WWOX: variants seen among roughly 807,000 people sequenced by gnomAD.
WWOX encodes WW domain-containing oxidoreductase.
Under a neutral mutation model 46.2 loss-of-function variants are expected in WWOX, and 69 were observed. The observed-to-expected ratio is 1.49, with a 90% CI of 1.23 to 1.82. WWOX has a LOEUF of 1.82. WWOX is among the 40% of genes most tolerant of loss of function. The pLI is 0.00. For missense variants in WWOX, 919 were observed against 542.6 expected (o/e 1.69, Z -6.89); for synonymous variants, 359 against 202.6 (o/e 1.77, Z -6.56).
At chr16:79,091,779 G>GTTTTTTTTTTTTTT (rs11329411) in intron 8 of WWOX, among the ~76,000 whole-genome samples, 2 of 109,130 alleles carry the variant, frequency 1.8e-5, no homozygotes, top group Admixed American at 1.1e-4. Context: ...TCTTTTCTTT[G>GTTTTTTTTTTTTTT]TTTTTTTTTT....
At chr16:78,510,949 C>T (rs2085345975) in intron 8 of WWOX, among the ~76,000 whole-genome samples, 1 of 152,172 alleles carries the variant, frequency 6.6e-6, no homozygotes, top group African/African-American at 2.4e-5. Flanking sequence ...GTGTTGTTTC[C>T]ATCTGATATC....
intron 8 of WWOX, among the ~76,000 whole-genome samples, chr16:78,937,206 A>G (rs970452625): frequency 1.3e-5 from 2 of 152,198 alleles, no homozygotes; most frequent in African/African-American, 4.8e-5. Flanking sequence ...GGAGCAGAGC[A>G]GAAGAGAAAA....
At position 78,380,532 on chromosome 16, in the gene WWOX, G is replaced by A. The variant is rs149662254; in HGVS notation, c.517-6328G>A. 6.1e-4 allele frequency among the ~76,000 whole-genome samples: 93 copies of A among 152,276 alleles called. No individual in the cohort carries two copies. The East Asian group carries it at 6.4e-3, about 10-fold the overall frequency. On this transcript the variant is annotated intron_variant, in intron 5 of 8. Transcript: ENST00000566780. ...CCGTATCAGTGAAGAGTGAAGCACT[G>A]CACTCTTTAAGGATAGGGCTGAATG...
At chr16:78,515,187 G>C (rs948895247) in intron 8 of WWOX, among the ~76,000 whole-genome samples, 3 of 152,186 alleles carry the variant, frequency 2.0e-5, no homozygotes, top group Non-Finnish European at 4.4e-5. Context: ...TCGTGTCACT[G>C]CACTCCAGCC....
chr16:79,208,315 C>A (rs1305708222), intron 8 of WWOX, among the ~76,000 whole-genome samples: 1 of 152,080 alleles, frequency 6.6e-6, no homozygotes, highest in Non-Finnish European at 1.5e-5. Flanking sequence ...GGGATAGACA[C>A]CTCCCCCGTT....
intron 4 of WWOX, among the ~76,000 whole-genome samples, chr16:78,117,993 G>A (rs538097696): frequency 2.0e-5 from 3 of 151,182 alleles, no homozygotes; most frequent in African/African-American, 7.3e-5. Context: ...CCTTACAAAG[G>A]CCGATTTGCA....
intron 8 of WWOX, among the ~76,000 whole-genome samples, chr16:79,030,009 C>G (rs1380037840): frequency 6.6e-6 from 1 of 152,164 alleles, no homozygotes; most frequent in Admixed American, 6.5e-5. Flanking sequence ...CTCTGATGAG[C>G]TCTGGTTTAC....
At chr16:78,279,942 C>G (rs1331303063) in intron 5 of WWOX, among the ~76,000 whole-genome samples, 2 of 152,188 alleles carry the variant, frequency 1.3e-5, no homozygotes, top group African/African-American at 2.4e-5. Context: ...GTAACTATCT[C>G]CTTATGGAAA....
chr16:78,836,573 C>T (rs1006025048), intron 8 of WWOX, among the ~76,000 whole-genome samples: 2 of 152,168 alleles, frequency 1.3e-5, no homozygotes, highest in African/African-American at 2.4e-5. Flanking sequence ...ATGAGCATTC[C>T]TCAGTTCCTG....
Position 78,823,484 on chromosome 16 carries a change from C to G in WWOX, c.1057-388124C>G, listed in dbSNP as rs531416216. Reference sequence around the variant, plus strand: ...GAATGTTCACCATGGTGACCCACATCTCAGGATGCTGCAAAACGAGAGAGG... The same window carrying G: ...GAATGTTCACCATGGTGACCCACATGTCAGGATGCTGCAAAACGAGAGAGG... On this transcript the variant is annotated intron_variant, in intron 8 of 8. Coordinates refer to ENST00000566780, the MANE Select transcript of WWOX (RefSeq NM_016373.4). Among the ~76,000 whole-genome samples, 46 of 152,278 alleles carry G rather than the reference C, an allele frequency of 3.0e-4. 1 individual carries two copies. In the South Asian group the frequency reaches 7.0e-3, roughly 23 times the overall value.
At chr16:79,166,960 G>T (rs895623823) in intron 8 of WWOX, among the ~76,000 whole-genome samples, 15 of 150,220 alleles carry the variant, frequency 1.0e-4, no homozygotes, top group African/African-American at 2.9e-4. Context: ...ATTTTTTTTT[G>T]AGACAGAGCC....
intron 8 of WWOX, among the ~76,000 whole-genome samples, chr16:79,059,269 C>T (rs970475371): frequency 6.6e-5 from 10 of 152,050 alleles, no homozygotes; most frequent in Non-Finnish European, 1.5e-4. Flanking sequence ...TAAAATACAG[C>T]GTAAAAGACA....
At chr16:78,352,544 T>C (rs1176756641) in intron 5 of WWOX, among the ~76,000 whole-genome samples, 1 of 152,208 alleles carries the variant, frequency 6.6e-6, no homozygotes, top group Non-Finnish European at 1.5e-5. Flanking sequence ...CTGTTCCTGG[T>C]TCTCTCTCTT....
intron 8 of WWOX, among the ~76,000 whole-genome samples, chr16:79,100,361 A>G (rs889665318): frequency 4.6e-5 from 7 of 152,218 alleles, no homozygotes; most frequent in African/African-American, 1.7e-4. Flanking sequence ...GAAACGAGAC[A>G]TTAGTGATCC....
At chr16:78,122,564 G>A (rs17649341) in intron 4 of WWOX, among the ~76,000 whole-genome samples, 1 of 151,680 alleles carries the variant, frequency 6.6e-6, no homozygotes, top group African/African-American at 2.4e-5. Flanking sequence ...TCATAGAGTG[G>A]CACAATAAAA....
At chr16:78,733,675 A>T (rs1158740173) in intron 8 of WWOX, among the ~76,000 whole-genome samples, 1 of 151,876 alleles carries the variant, frequency 6.6e-6, no homozygotes, top group East Asian at 1.9e-4. Flanking sequence ...GAATGGTTTG[A>T]ACTTGGGAGG....
chr16:78,195,720 G>C (rs1391978606), intron 5 of WWOX, among the ~76,000 whole-genome samples: 1 of 151,016 alleles, frequency 6.6e-6, no homozygotes, highest in East Asian at 2.0e-4. Flanking sequence ...TAGTTGGGAG[G>C]CTGAGGCAGG....
intron 8 of WWOX, among the ~76,000 whole-genome samples, chr16:78,734,841 CTTTTTTTTTTTTTTTTTTT>C (rs60560119): frequency 0.011 from 423 of 40,096 alleles, 3 homozygotes; most frequent in East Asian, 0.051. Context: ...GACTTCAGTC[CTTTTTTTTTTTTTTTTTTT>C]TTTTTTTTTT....
chr16:78,102,467 C>T (rs1167100346), intron 1 of WWOX, among the ~76,000 whole-genome samples: 2 of 152,232 alleles, frequency 1.3e-5, no homozygotes, highest in Non-Finnish European at 2.9e-5. Flanking sequence ...GGAAGAATTT[C>T]TGGCTCTGGA....
Sources: gnomAD v4.1 joint callset for allele counts (sites outside exome capture counted in the v4.1 genomes callset) on GRCh38, gnomAD v4.1.1 for gene constraint, MANE v1.5 for transcripts, NCBI Gene and HGNC (gene_info 2026-07-23, HGNC 2026-07-21) for gene names.